Variants in FHIT observed in about 807,000 individuals in gnomAD.
FHIT encodes fragile histidine triad diadenosine triphosphatase, also known as bis(5'-adenosyl)-triphosphatase.
A neutral mutation model predicts 17.9 loss-of-function variants in FHIT; 19 were observed. The observed-to-expected ratio is 1.06, with a 90% confidence interval of 0.74 to 1.56. The LOEUF is 1.56. Among genes scored for constraint, FHIT ranks in the 40% most tolerant of loss-of-function variants. The pLI is 0.00. For synonymous variants in FHIT, 81 were observed against 69.7 expected (o/e 1.16, Z -0.81); for missense variants, 248 against 189.2 (o/e 1.31, Z -1.82).
chr3:59,784,807 C>T (rs1166341884), intron 8 of FHIT, among the ~76,000 whole-genome samples: 1 of 152,076 alleles, frequency 6.6e-6, no homozygotes, highest in Non-Finnish European at 1.5e-5. Flanking sequence ...TTTAATAATA[C>T]TATTTTATTT....
At chr3:60,082,736 G>C (rs7646436) in intron 5 of FHIT, among the ~76,000 whole-genome samples, 1 of 151,944 alleles carries the variant, frequency 6.6e-6, no homozygotes, top group Admixed American at 6.6e-5. Context: ...GTGAGGTTGA[G>C]CATTTTTTCA....
chr3:60,161,055 G>A (rs1700917717), intron 5 of FHIT, among the ~76,000 whole-genome samples: 1 of 152,018 alleles, frequency 6.6e-6, no homozygotes, highest in African/African-American at 2.4e-5. Flanking sequence ...CGGAGTTTCT[G>A]GCCACTTAAA....
chr3:60,571,577 G>A (rs1200347500), intron 4 of FHIT, among the ~76,000 whole-genome samples: 5 of 152,026 alleles, frequency 3.3e-5, no homozygotes, highest in African/African-American at 1.2e-4. Context: ...AGGTCACCTG[G>A]GGTATGTTCA....
At chr3:60,921,304 G>A (rs188897436) in intron 3 of FHIT, among the ~76,000 whole-genome samples, 88 of 152,278 alleles carry the variant, frequency 5.8e-4, no homozygotes, top group Non-Finnish European at 1.0e-3. Flanking sequence ...TATAGCTTTG[G>A]TGACATGGTG....
At chr3:60,080,984 G>C (rs1434840286) in intron 5 of FHIT, 1 of 152,140 alleles carries the variant, frequency 6.6e-6, no homozygotes, top group Non-Finnish European at 1.5e-5. Flanking sequence ...CTAGACATGG[G>C]AGTGCAGGCA....
chr3:60,177,252 C>T (rs1701719267), intron 5 of FHIT, among the ~76,000 whole-genome samples: 1 of 145,138 alleles, frequency 6.9e-6, no homozygotes. Flanking sequence ...GGAAATAATA[C>T]AATAAGCCAA....
intron 4 of FHIT, among the ~76,000 whole-genome samples, chr3:60,788,657 G>T (rs1447320811): frequency 6.6e-6 from 1 of 152,092 alleles, no homozygotes; most frequent in Non-Finnish European, 1.5e-5. Flanking sequence ...GCAGGAGACA[G>T]GGTGTTGACA....
At position 60,861,379 on chromosome 3, in the gene FHIT, C is replaced by T. The variant is rs574827932; in HGVS notation, c.-110-39368G>A. Among the ~76,000 whole-genome samples, 502 of 148,640 alleles carry T rather than the reference C, an allele frequency of 3.4e-3. 3 individuals are homozygous for T. The highest frequency in any genetic ancestry group is 5.5e-3 in the Non-Finnish European group (371 of 67,484). The stretch of plus-strand genomic sequence containing the variant: ...GCCTGGGCACTACTGATATTTTGGA[C>T]TACAGAATTCTTTGTTATGGAGGGC... On this transcript the variant is annotated intron_variant, in intron 3 of 9. Coordinates refer to ENST00000492590, the MANE Select transcript of FHIT (RefSeq NM_002012.4).
intron 4 of FHIT, among the ~76,000 whole-genome samples, chr3:60,742,433 A>G (rs560511586): frequency 2.6e-5 from 4 of 152,290 alleles, no homozygotes; most frequent in African/African-American, 9.6e-5. Flanking sequence ...CTTCATTCCT[A>G]CTGTCCATTT....
chr3:60,171,928 G>A (rs891733750), intron 5 of FHIT, among the ~76,000 whole-genome samples: 91 of 152,062 alleles, frequency 6.0e-4, no homozygotes, highest in Middle Eastern at 6.8e-3. Flanking sequence ...CATACTACTG[G>A]CCTCAGTGAT....
At chr3:60,320,134 T>C (rs188523304) in intron 5 of FHIT, among the ~76,000 whole-genome samples, 37 of 152,312 alleles carry the variant, frequency 2.4e-4, no homozygotes, top group African/African-American at 8.7e-4. Context: ...ACTTTTTAAA[T>C]TCAGAGAAAA....
intron 8 of FHIT, among the ~76,000 whole-genome samples, chr3:59,827,930 G>C (rs1204154919): frequency 6.6e-6 from 1 of 152,150 alleles, no homozygotes; most frequent in East Asian, 1.9e-4. Flanking sequence ...TTTGACATTT[G>C]ATCATAAATT....
chr3:61,215,055 T>C (rs1159532218), intron 1 of FHIT, among the ~76,000 whole-genome samples: 6 of 151,694 alleles, frequency 4.0e-5, no homozygotes, highest in Admixed American at 3.9e-4. Context: ...AATATCATAC[T>C]GAATGGGCAA....
At position 59,981,815 on chromosome 3, in the gene FHIT, G is replaced by A. The variant is rs1247367296; in HGVS notation, c.279+29556C>T. Among the ~76,000 whole-genome samples the A allele has an allele frequency of 4.6e-5, 7 of 152,036 alleles. No homozygotes were observed. In the East Asian group the frequency reaches 5.8e-4, roughly 13 times the overall value. ...ACAAAAGCCTTTCAGCTCTGGAATCGATATTAATCATTTTCTGGAATTCAA... is the reference window on the plus strand; with the variant it reads ...ACAAAAGCCTTTCAGCTCTGGAATCAATATTAATCATTTTCTGGAATTCAA... On this transcript the variant is annotated intron_variant, in intron 7 of 9. Transcript: ENST00000492590.
In FHIT at chr3:60,648,895, G is replaced by A. The variant is rs560347481; in HGVS notation, c.-17-111916C>T. ...AGGTTCACTCAGTGATAAGGGGCACGTGGAGGAATAAAGCTGTGGCAGTGG... is the reference window on the plus strand; with the variant it reads ...AGGTTCACTCAGTGATAAGGGGCACATGGAGGAATAAAGCTGTGGCAGTGG... On this transcript the variant is annotated intron_variant, in intron 4 of 9. Transcript: ENST00000492590. 4.4e-4 allele frequency among the ~76,000 whole-genome samples: 67 copies of A among 152,306 alleles called. 2 individuals carry two copies. The South Asian group carries it at 0.013, about 30-fold the overall frequency.
chr3:61,166,815 G>T (rs542873231), intron 2 of FHIT, among the ~76,000 whole-genome samples: 3 of 152,230 alleles, frequency 2.0e-5, no homozygotes, highest in Non-Finnish European at 4.4e-5. Context: ...GGGCACACAG[G>T]TGTGGTGTCT....
chr3:60,533,815 C>G lies in FHIT; in HGVS notation c.103+3045G>C, dbSNP rs114283018. 8.2e-3 allele frequency among the ~76,000 whole-genome samples: 1,244 copies of G among 152,148 alleles called. 26 individuals are homozygous for G. The highest frequency in any genetic ancestry group is 0.029 in the African/African-American group (1,188 of 41,514). On this transcript the variant is annotated intron_variant, in intron 5 of 9. Transcript: ENST00000492590. Reference sequence around the variant, plus strand: ...TATTCTAAGGAATTTGGACTTTATCCTCAAAAAACAGACATTCCTTATTGG... The same window carrying G: ...TATTCTAAGGAATTTGGACTTTATCGTCAAAAAACAGACATTCCTTATTGG...
chr3:60,441,784 A>ATCTG (rs1491110867), intron 5 of FHIT, among the ~76,000 whole-genome samples: 3 of 27,642 alleles, frequency 1.1e-4, no homozygotes, highest in African/African-American at 3.1e-4. Flanking sequence ...ATGTATAAAA[A>ATCTG]TATATATATA....
chr3:60,520,607 G>A (rs766148253), intron 5 of FHIT, among the ~76,000 whole-genome samples: 1 of 151,938 alleles, frequency 6.6e-6, no homozygotes, highest in Non-Finnish European at 1.5e-5. Flanking sequence ...TGAATTGTTG[G>A]TAGTCTCAAT....
Sources: allele counts gnomAD v4.1 joint callset (sites outside exome capture counted in the v4.1 genomes callset), GRCh38; gene constraint gnomAD v4.1.1; transcripts MANE v1.5; gene names NCBI Gene and HGNC (gene_info 2026-07-23, HGNC 2026-07-21).